The following ASCC1 variants were observed in gnomAD, a reference collection of about 807,000 sequenced individuals.
ASCC1 encodes activating signal cointegrator 1 complex subunit 1.
Under a neutral mutation model 46.6 loss-of-function variants are expected in ASCC1, and 35 were observed. The observed-to-expected ratio is 0.75, with a 90% CI of 0.57 to 0.99. ASCC1 has a LOEUF of 0.99. Among genes scored for constraint, ASCC1 ranks in the 50% least tolerant of loss-of-function variants. The probability of loss-of-function intolerance (pLI) is 0.00; values close to 1 mark genes in which losing one functional copy is unlikely to be tolerated. For synonymous variants in ASCC1, 143 were observed against 146.6 expected (o/e 0.98, Z 0.18); for missense variants, 376 against 428.7 (o/e 0.88, Z 1.09).
chr10:72,163,188 G>A lies in ASCC1; in HGVS notation c.490-1514C>T, dbSNP rs553075100. 1.2e-4 allele frequency among the ~76,000 whole-genome samples: 19 copies of A among 152,236 alleles called. No individual in the cohort carries two copies. The South Asian group carries it at 3.7e-3, about 30-fold the overall frequency. ...GTTGCTAGGAAGGTAAAATGACTCA[G>A]CCTCTGTGAAAAAGAGTTTGGCAGT... is the stretch of plus-strand genomic sequence containing the variant. On this transcript the variant is annotated intron_variant, in intron 5 of 9. Transcript: ENST00000672957.
intron 1 of ASCC1, among the ~76,000 whole-genome samples, chr10:72,214,328 G>A (rs1223375213): frequency 6.7e-6 from 1 of 148,318 alleles, no homozygotes; most frequent in Non-Finnish European, 1.5e-5. Context: ...TGAGTAAAAT[G>A]CAAACTTCAG....
At chr10:72,171,016 G>A (rs745769567) in intron 5 of ASCC1, among the ~76,000 whole-genome samples, 2 of 152,074 alleles carry the variant, frequency 1.3e-5, no homozygotes, top group East Asian at 1.9e-4. Context: ...GGGTTAAAGG[G>A]CTATGACATG....
At chr10:72,131,873 A>ATTTTT (rs914278355) in intron 8 of ASCC1, among the ~76,000 whole-genome samples, 3 of 114,956 alleles carry the variant, frequency 2.6e-5, no homozygotes, top group Non-Finnish European at 5.4e-5. Context: ...CTCTAGATAG[A>ATTTTT]TTTTTTTTTT....
intron 5 of ASCC1, among the ~76,000 whole-genome samples, chr10:72,195,139 G>GTTTTTTTTTTTTTTT (rs142672810): frequency 1.6e-4 from 10 of 61,018 alleles, no homozygotes; most frequent in Non-Finnish European, 2.0e-4. Context: ...TTTTTGCTGT[G>GTTTTTTTTTTTTTTT]TTTTTTTTTT....
At chr10:72,178,670 G>C (rs565091671) in intron 5 of ASCC1, among the ~76,000 whole-genome samples, 50 of 152,242 alleles carry the variant, frequency 3.3e-4, no homozygotes, top group African/African-American at 1.2e-3. Context: ...CCAGCCCACT[G>C]GGTCTTCCGA....
Position 72,110,369 on chromosome 10 carries a change from G to A in ASCC1, c.958-12919C>T, listed in dbSNP as rs555365921. 2.6e-5 allele frequency among the ~76,000 whole-genome samples: 4 copies of A among 152,320 alleles called. No individual in the cohort carries two copies. The East Asian group carries it at 7.7e-4, about 29-fold the overall frequency. ...CCTGGCCCCCGGCTTTTGGGAGGCT[G>A]GGCACAAAGTGGCTGACTATTGTGC... On this transcript the variant is annotated intron_variant, in intron 9 of 9. Transcript: ENST00000672957.
At chr10:72,121,137 G>A (rs555762845) in intron 9 of ASCC1, among the ~76,000 whole-genome samples, 2 of 151,998 alleles carry the variant, frequency 1.3e-5, no homozygotes, top group East Asian at 1.9e-4. Context: ...ATAAGAGACC[G>A]ACTTTTTATT....
intron 9 of ASCC1, among the ~76,000 whole-genome samples, chr10:72,106,493 G>A (rs1433679210): frequency 1.3e-5 from 2 of 151,682 alleles, no homozygotes; most frequent in East Asian, 1.9e-4. Context: ...TCCACAGCCT[G>A]TTTACCAACT....
At chr10:72,141,369 TAC>T (rs887260966) in intron 7 of ASCC1, among the ~76,000 whole-genome samples, 7 of 152,194 alleles carry the variant, frequency 4.6e-5, no homozygotes, top group African/African-American at 1.7e-4. Flanking sequence ...ACAGATGTTC[TAC>T]AGTTTATTTT....
chr10:72,189,802 CAAAAAAAAAAA>C (rs996153326), intron 5 of ASCC1: 3 of 167,954 alleles, frequency 1.8e-5, no homozygotes, highest in Admixed American at 2.1e-4. Flanking sequence ...AACTCCATCT[CAAAAAAAAAAA>C]AAAAAAAAAA....
chr10:72,195,253 T>C (rs1855229941), intron 5 of ASCC1, among the ~76,000 whole-genome samples: 2 of 148,146 alleles, frequency 1.4e-5, no homozygotes, highest in Admixed American at 6.8e-5. Context: ...CTCAAGCCAT[T>C]CTCCCACCTC....
intron 5 of ASCC1, among the ~76,000 whole-genome samples, chr10:72,176,311 T>A (rs1851851515): frequency 6.6e-6 from 1 of 152,148 alleles, no homozygotes; most frequent in African/African-American, 2.4e-5. Context: ...GCTAAGTTCA[T>A]CACAGTCCTT....
At chr10:72,132,796 T>C (rs1035266617) in intron 8 of ASCC1, among the ~76,000 whole-genome samples, 2 of 152,034 alleles carry the variant, frequency 1.3e-5, no homozygotes, top group Non-Finnish European at 2.9e-5. Context: ...ATTCACTGTT[T>C]ATATAAAATT....
At chr10:72,215,160 T>C (rs1156716078) in intron 1 of ASCC1, among the ~76,000 whole-genome samples, 1 of 152,196 alleles carries the variant, frequency 6.6e-6, no homozygotes, top group African/African-American at 2.4e-5. Flanking sequence ...CCCAGCACTT[T>C]AGGAGGCCGA....
Position 72,152,732 on chromosome 10 carries a change from T to TA in ASCC1, c.746+136dup, listed in dbSNP as rs200992686. On this transcript the variant is annotated intron_variant, in intron 7 of 9. Transcript: ENST00000672957. ...CTCTTTCAAGAGATTAACTTACTAT[T>TA]AAAAAAAAAGAGAGAGAAATAATTA... 2,198 of 1,068,052 alleles carry TA rather than the reference T, an allele frequency of 2.1e-3. 22 individuals are homozygous for TA. The African/African-American group carries it at 0.021, about 10-fold the overall frequency. The allele number at this position is 1,068,052 out of a possible 1,614,324, so 66.2% of individuals were successfully genotyped here. A position where few individuals can be genotyped will look rare whatever the true frequency, so the allele number is the denominator to read the frequency against.
At chr10:72,214,573 C>T (rs1283875192) in intron 1 of ASCC1, among the ~76,000 whole-genome samples, 2 of 151,766 alleles carry the variant, frequency 1.3e-5, no homozygotes, top group African/African-American at 2.4e-5. Flanking sequence ...GATGGGGTTT[C>T]GTCATGTTGG....
intron 7 of ASCC1, among the ~76,000 whole-genome samples, chr10:72,138,009 C>G (rs1846474096): frequency 6.6e-6 from 1 of 152,088 alleles, no homozygotes; most frequent in South Asian, 2.1e-4. Context: ...GGATTACAGG[C>G]GTGTGCCACT....
intron 5 of ASCC1, among the ~76,000 whole-genome samples, chr10:72,175,710 C>T (rs1003723773): frequency 6.6e-6 from 1 of 152,146 alleles, no homozygotes; most frequent in Admixed American, 6.5e-5. Context: ...GAGCATCTCC[C>T]CTCACTAAAG....
chr10:72,122,402 A>G (rs1844313228), intron 9 of ASCC1, among the ~76,000 whole-genome samples: 1 of 150,782 alleles, frequency 6.6e-6, no homozygotes, highest in Non-Finnish European at 1.5e-5. Context: ...CCTGGGCAAC[A>G]GAACCAGACG....
Sources: allele counts gnomAD v4.1 joint callset (sites outside exome capture counted in the v4.1 genomes callset), GRCh38; gene constraint gnomAD v4.1.1; transcripts MANE v1.5; gene names NCBI Gene and HGNC (gene_info 2026-07-23, HGNC 2026-07-21).